The following GABRQ variants were observed in gnomAD, a reference collection of about 807,000 sequenced individuals.
The protein encoded by GABRQ is gamma-aminobutyric acid type A receptor subunit theta.
In GABRQ, 19 loss-of-function variants were observed where a neutral mutation model predicts 30.5. The observed-to-expected ratio is 0.62, with a 90% CI of 0.43 to 0.91. The LOEUF is 0.91. GABRQ is among the 40% of genes least tolerant of loss of function. The pLI is 0.00. For missense variants in GABRQ, 520 were observed against 521.4 expected, an observed-to-expected ratio of 1.00 and a Z score of 0.03; for synonymous variants, 187 against 210.2, an observed-to-expected ratio of 0.89 and a Z score of 0.95.
At chrX:152,657,547 G>A (rs1445062115), downstream of GABRQ, 1 of 111,822 alleles carries the variant, frequency 8.9e-6, no homozygotes, top group Non-Finnish European at 1.9e-5. Flanking sequence ...ACTCTACCAG[G>A]TCATCGTGTT....
chrX:152,650,515 C>T lies in GABRQ; in HGVS notation c.836C>T (p.Thr279Ile), dbSNP rs781936288. 1.7e-6 allele frequency: 2 copies of T among 1,200,801 alleles called. No homozygotes were observed. Among genetic ancestry groups the T allele is most frequent in the Admixed American group, 2.2e-5 (1 of 45,985 alleles). Residue 279 changes from threonine to isoleucine, a missense_variant, in exon 7 of 9, where the codon ACC (threonine) becomes ATC (isoleucine). Coordinates refer to ENST00000598523, the MANE Select transcript of GABRQ (RefSeq NM_018558.4). ...LVQVYWPTVL[T>I]TITSWISFWM... Reference sequence around the variant, plus strand: ...CAAGTCTACTGGCCTACTGTCCTCACCACTATTACCTCTTGGATATCGTTT... The same window carrying T: ...CAAGTCTACTGGCCTACTGTCCTCATCACTATTACCTCTTGGATATCGTTT...
rs978400869 is a variant in GABRQ at position 152,654,443 on chromosome X, A to T, written c.*1162A>T. On this transcript the variant is annotated 3_prime_UTR_variant, in exon 9 of 9. Transcript: ENST00000598523. ...GAGCTTATGCCGCATGCTTGAGGAC[A>T]TGCAGCCAGTGAGTGGTAGATCCAC... 1 of 111,686 alleles carries T rather than the reference A, an allele frequency of 9.0e-6. No individual in the cohort carries two copies. Among genetic ancestry groups the T allele is most frequent in the African/African-American group, 3.3e-5 (1 of 30,669 alleles). 9.2% of individuals were successfully genotyped at this position (111,686 alleles called of 1,213,427 possible).
chrX:152,639,378 G>GCACA lies in GABRQ; in HGVS notation c.150-977_150-974dup, dbSNP rs199710373. Among the ~76,000 whole-genome samples, 544 of 103,350 alleles carry GCACA rather than the reference G, an allele frequency of 5.3e-3. 5 individuals carry two copies. Among genetic ancestry groups the GCACA allele is most frequent in the African/African-American group, 0.016 (451 of 27,869 alleles). 89.7% of individuals were successfully genotyped at this position (103,350 alleles called of 115,157 possible). A position where few individuals can be genotyped will look rare whatever the true frequency, so the allele number is the denominator to read the frequency against. ...ACTGAACATGCACACATGCGCGTGC[G>GCACA]CACACACACACACACACACACACAC... On this transcript the variant is annotated intron_variant, in intron 1 of 8. Coordinates refer to ENST00000598523, the MANE Select transcript of GABRQ (RefSeq NM_018558.4).
At chrX:152,638,938 T>C (rs1930680888) in intron 1 of GABRQ, among the ~76,000 whole-genome samples, 1 of 111,510 alleles carries the variant, frequency 9.0e-6, no homozygotes, top group Admixed American at 9.4e-5. Flanking sequence ...ACGAACCGTG[T>C]GGTCTGGGAT....
rs1930976937 is a variant in GABRQ, at chrX:152,649,856, G to T, written c.725G>T (p.Ser242Ile). Residue 242 changes from serine to isoleucine, a missense_variant, in exon 6 of 9, where the codon AGC becomes ATC. Physicochemically the swap from Ser to Ile is moderately radical, Grantham distance 142. Coordinates refer to ENST00000598523, the MANE Select transcript of GABRQ (RefSeq NM_018558.4). ...ACTTTCCTGGGAAGGACGATTACTAGCAAGGAGGTGTATTTCTACACAGGT... is the reference window on the plus strand; with the variant it reads ...ACTTTCCTGGGAAGGACGATTACTATCAAGGAGGTGTATTTCTACACAGGT... ...QFTFLGRTIT[S>I]KEVYFYTGSY... The T allele has an allele frequency of 8.3e-7, 1 of 1,202,219 alleles. No individual in the cohort carries two copies. Among genetic ancestry groups the T allele is most frequent in the Non-Finnish European group, 1.1e-6 (1 of 887,677 alleles).
Position 152,644,336 on chromosome X carries a change from G to A in GABRQ, c.239-1191G>A, listed in dbSNP as rs1386913569. Among the ~76,000 whole-genome samples, 7 of 112,127 alleles carry A rather than the reference G, an allele frequency of 6.2e-5. No individual in the cohort carries two copies. The East Asian group carries it at 1.1e-3, about 18-fold the overall frequency. On this transcript the variant is annotated intron_variant, in intron 2 of 8. Transcript: ENST00000598523. ...CGTGCTCACATACATGAAAGCACTC[G>A]CATATTCACTCACACACATGAACGT... is the stretch of plus-strand genomic sequence containing the variant.
chrX:152,638,638 C>T (rs1358683996), intron 1 of GABRQ, among the ~76,000 whole-genome samples: 1 of 112,284 alleles, frequency 8.9e-6, no homozygotes, highest in Non-Finnish European at 1.9e-5. Flanking sequence ...GGGCGGGGGT[C>T]GCCCTCGTCC....
Position 152,637,998 on chromosome X carries a change from G to T in GABRQ, c.-205G>T, listed in dbSNP as rs782516242. ...GAGCTGCTGGGTGGTTGCTCCTCCCGGGCTCTCATCTCCGGTATCCGGGCC... is the reference window on the plus strand; with the variant it reads ...GAGCTGCTGGGTGGTTGCTCCTCCCTGGCTCTCATCTCCGGTATCCGGGCC... On this transcript the variant is annotated 5_prime_UTR_variant, in exon 1 of 9. Transcript: ENST00000598523. Among the ~76,000 whole-genome samples the T allele has an allele frequency of 3.5e-5, 4 of 113,135 alleles. No individual in the cohort carries two copies. In the East Asian group the frequency reaches 1.1e-3, roughly 32 times the overall value.
chrX:152,638,713 T>C (rs1930674955), intron 1 of GABRQ, among the ~76,000 whole-genome samples: 1 of 112,076 alleles, frequency 8.9e-6, no homozygotes, highest in Non-Finnish European at 1.9e-5. Context: ...CTTTGGCACC[T>C]GTGGGATTGG....
At chrX:152,645,223 T>G (rs1930860411) in intron 2 of GABRQ, among the ~76,000 whole-genome samples, 1 of 112,487 alleles carries the variant, frequency 8.9e-6, no homozygotes, top group South Asian at 3.7e-4. Context: ...TCGTTGCTTT[T>G]CAGGTTTTAT....
chrX:152,656,848 C>A lies in GABRQ; in HGVS notation c.*3567C>A, dbSNP rs1556821212. ...TCCATAGCCCAACATCAAAGGAAATCGTGACTCGTCCTACTAGAAGTGTAG... is the reference window on the plus strand; with the variant it reads ...TCCATAGCCCAACATCAAAGGAAATAGTGACTCGTCCTACTAGAAGTGTAG... On this transcript the variant is annotated 3_prime_UTR_variant, in exon 9 of 9. Coordinates refer to ENST00000598523, the MANE Select transcript of GABRQ (RefSeq NM_018558.4). 1 of 112,195 alleles carries A rather than the reference C, an allele frequency of 8.9e-6. No individual in the cohort carries two copies. Among genetic ancestry groups the A allele is most frequent in the African/African-American group, 3.2e-5 (1 of 30,849 alleles). 9.2% of individuals were successfully genotyped at this position (112,195 alleles called of 1,213,427 possible).
rs1931112978 is a variant in GABRQ, at chrX:152,654,650, C to CTA, written c.*1370_*1371insAT. The CTA allele has an allele frequency of 2.7e-5, 1 of 37,002 alleles. No individual in the cohort carries two copies. Among genetic ancestry groups the CTA allele is most frequent in the African/African-American group, 2.2e-4 (1 of 4,547 alleles). The allele number at this position is 37,002 out of a possible 1,213,427, so 3.0% of individuals were successfully genotyped here. A position where few individuals can be genotyped will look rare whatever the true frequency, so the allele number is the denominator to read the frequency against. Reference sequence around the variant, plus strand: ...GTGACGTGAGCAGATGGAGAACACACTCTGCCCACTGAGCAGGGCCCCTAA... The same window carrying CTA: ...GTGACGTGAGCAGATGGAGAACACACTATCTGCCCACTGAGCAGGGCCCCTAA... On this transcript the variant is annotated 3_prime_UTR_variant, in exon 9 of 9. Coordinates refer to ENST00000598523, the MANE Select transcript of GABRQ (RefSeq NM_018558.4).
chrX:152,657,188 G>T lies in GABRQ; in HGVS notation c.*3907G>T, dbSNP rs1217217309. The T allele has an allele frequency of 4.5e-5, 5 of 111,915 alleles. No individual in the cohort carries two copies. Among genetic ancestry groups the T allele is most frequent in the Non-Finnish European group, 9.4e-5 (5 of 53,224 alleles). 9.2% of individuals were successfully genotyped at this position (111,915 alleles called of 1,213,427 possible). A position where few individuals can be genotyped will look rare whatever the true frequency, so the allele number is the denominator to read the frequency against. On this transcript the variant is annotated 3_prime_UTR_variant, in exon 9 of 9. Transcript: ENST00000598523. ...GATTCTTCAGAGGTCAGCCAAGTCGGTAACATTCTGTGAAGCAGATTAAAT... is the reference window on the plus strand; with the variant it reads ...GATTCTTCAGAGGTCAGCCAAGTCGTTAACATTCTGTGAAGCAGATTAAAT...
intron 8 of GABRQ, 52 bp downstream of exon 8, chrX:152,651,834 G>A: frequency 6.1e-6 from 7 of 1,145,293 alleles, no homozygotes; most frequent in Non-Finnish European, 8.3e-6. Flanking sequence ...CTTGAGCCCA[G>A]GCTTAGCGCT....
intron 1 of GABRQ, among the ~76,000 whole-genome samples, chrX:152,639,358 A>G (rs1930693498): frequency 9.6e-6 from 1 of 104,555 alleles, no homozygotes; most frequent in African/African-American, 3.7e-5. Flanking sequence ...GCGCCACTGA[A>G]CATGCACACA....
intron 3 of GABRQ, among the ~76,000 whole-genome samples, chrX:152,646,287 T>C (rs2124911620): frequency 8.9e-6 from 1 of 112,193 alleles, no homozygotes; most frequent in South Asian, 3.8e-4. Flanking sequence ...AATACCAATG[T>C]TGGTGAAGCC....
rs782659770 is a variant in GABRQ at position 152,652,951 on chromosome X, C to T, written c.1569C>T (p.Gly523=). The T allele has an allele frequency of 7.4e-6, 9 of 1,210,279 alleles. 1 individual carries two copies. Among genetic ancestry groups the T allele is most frequent in the East Asian group, 3.0e-5 (1 of 33,842 alleles). The part of the protein sequence containing the change: ...GPSGKPMLHH[G]EKGVQEAGWD... ...GTGGGAAGCCCATGCTTCACCATGG[C>T]GAGAAGGGTGTGCAAGAAGCAGGCT... is the stretch of plus-strand genomic sequence containing the variant. The change falls in exon 9 of 9, where the codon GGC becomes GGT. Residue 523 remains glycine, a synonymous_variant. Coordinates refer to ENST00000598523, the MANE Select transcript of GABRQ (RefSeq NM_018558.4).
At chrX:152,642,273 C>T (rs1158231116) in intron 2 of GABRQ, among the ~76,000 whole-genome samples, 1 of 111,702 alleles carries the variant, frequency 9.0e-6, no homozygotes, top group African/African-American at 3.3e-5. Context: ...CAGGACTCCC[C>T]CACTAGACAC....
chrX:152,658,576 A>G (rs1931191777), downstream of GABRQ, among the ~76,000 whole-genome samples: 1 of 112,167 alleles, frequency 8.9e-6, no homozygotes, highest in African/African-American at 3.2e-5. Context: ...CAGGCTGGGA[A>G]CAGGCCAGCA....
Sources: gnomAD v4.1 joint callset for allele counts (sites outside exome capture counted in the v4.1 genomes callset) on GRCh38, gnomAD v4.1.1 for gene constraint, MANE v1.5 for transcripts, NCBI Gene and HGNC (gene_info 2026-07-23, HGNC 2026-07-21) for gene names.